Variants in DTHD1 observed in about 807,000 individuals in gnomAD.
The protein encoded by DTHD1 is death domain-containing protein 1.
DTHD1 carries 59 observed loss-of-function variants against 74.8 expected under a neutral mutation model. That is an observed-to-expected ratio of 0.79 (90% CI 0.64 to 0.98). The LOEUF is 0.98. DTHD1 is among the 50% of genes least tolerant of loss of function. DTHD1 has a pLI of 0.00. For missense variants in DTHD1, 1,051 were observed against 1,065.4 expected, an observed-to-expected ratio of 0.99 and a Z score of 0.19; for synonymous variants, 365 against 371.1, an observed-to-expected ratio of 0.98 and a Z score of 0.19.
In DTHD1 at chr4:36,346,076, C is replaced by T. The variant is rs187487324; in HGVS notation, c.*2252C>T. ...CCAGCTCCCAACTCTCTCACAGAAA[C>T]ACACCTATTCACATACATAAATACA... On this transcript the variant is annotated 3_prime_UTR_variant, in exon 10 of 10. Transcript: ENST00000639862. Among the ~76,000 whole-genome samples, 17 of 152,142 alleles carry T rather than the reference C, an allele frequency of 1.1e-4. No homozygotes were observed. The highest frequency in any genetic ancestry group is 3.4e-3 in the Middle Eastern group (1 of 294).
chr4:36,301,400 A>G (rs1270516919), intron 5 of DTHD1, among the ~76,000 whole-genome samples: 1 of 152,178 alleles, frequency 6.6e-6, no homozygotes, highest in Non-Finnish European at 1.5e-5. Flanking sequence ...AGTAGCTCAT[A>G]TCTTAGGATA....
At chr4:36,322,976 G>C (rs1034848833) in intron 8 of DTHD1, among the ~76,000 whole-genome samples, 18 of 152,146 alleles carry the variant, frequency 1.2e-4, no homozygotes, top group African/African-American at 4.3e-4. Context: ...TATGCCATTT[G>C]CTTATTTGTG....
At chr4:36,342,374 G>C (rs1295718161) in intron 9 of DTHD1, among the ~76,000 whole-genome samples, 1 of 152,152 alleles carries the variant, frequency 6.6e-6, no homozygotes, top group Non-Finnish European at 1.5e-5. Context: ...GAAGGCAGAT[G>C]GAATGCTTGC....
intron 2 of DTHD1, among the ~76,000 whole-genome samples, chr4:36,286,569 G>T (rs1755725007): frequency 6.6e-6 from 1 of 152,178 alleles, no homozygotes; most frequent in Non-Finnish European, 1.5e-5. Context: ...GGAAAATAAG[G>T]CTAGAGTAAA....
At chr4:36,339,074 A>G in intron 8 of DTHD1, 38 bp from the exon 9 acceptor site, 1 of 1,491,096 alleles carries the variant, frequency 6.7e-7, no homozygotes, top group Non-Finnish European at 9.1e-7. Flanking sequence ...CAAATTAATT[A>G]CTTCTTCTGT....
chr4:36,310,510 C>T (rs1274185965), intron 7 of DTHD1, among the ~76,000 whole-genome samples: 1 of 152,100 alleles, frequency 6.6e-6, no homozygotes, highest in Non-Finnish European at 1.5e-5. Flanking sequence ...AAATTCCGGA[C>T]AGGTTTTATG....
At chr4:36,333,023 A>T (rs1758788087) in intron 8 of DTHD1, among the ~76,000 whole-genome samples, 1 of 152,206 alleles carries the variant, frequency 6.6e-6, no homozygotes, top group Non-Finnish European at 1.5e-5. Context: ...ATAACTGTGT[A>T]TATGAGATAT....
intron 7 of DTHD1, chr4:36,315,604 A>C (rs1232316727): frequency 6.6e-6 from 1 of 152,262 alleles, no homozygotes; most frequent in Non-Finnish European, 1.5e-5. Context: ...CACAATATGA[A>C]TAGTTAGGGG....
chr4:36,303,342 G>A (rs1756879124), intron 5 of DTHD1, among the ~76,000 whole-genome samples: 1 of 152,170 alleles, frequency 6.6e-6, no homozygotes, highest in Non-Finnish European at 1.5e-5. Context: ...TAAAGTTTAA[G>A]TTTAATCTTT....
intron 9 of DTHD1, among the ~76,000 whole-genome samples, chr4:36,339,975 T>C (rs1488686481): frequency 1.3e-5 from 2 of 152,240 alleles, no homozygotes; most frequent in Non-Finnish European, 2.9e-5. Context: ...GCAAGTTTAA[T>C]AATGCTGTTA....
chr4:36,310,974 C>T (rs1017351330), intron 7 of DTHD1, among the ~76,000 whole-genome samples: 3 of 152,152 alleles, frequency 2.0e-5, no homozygotes, highest in Non-Finnish European at 2.9e-5. Context: ...AGACATAGTA[C>T]TAAGCAGAAG....
chr4:36,283,873 G>T (rs1227160456), intron 1 of DTHD1, 103 bp from the exon 2 acceptor site: 1 of 834,992 alleles, frequency 1.2e-6, no homozygotes, highest in African/African-American at 1.7e-5. Context: ...GTCTTTGTAG[G>T]TTTCTAAAAT....
chr4:36,291,477 G>A (rs1756074391), intron 3 of DTHD1, among the ~76,000 whole-genome samples: 1 of 152,176 alleles, frequency 6.6e-6, no homozygotes, highest in African/African-American at 2.4e-5. Flanking sequence ...TAATAACTCT[G>A]AGGCTCTGTA....
At position 36,284,183 on chromosome 4, in the gene DTHD1, C is replaced by A; in HGVS notation, c.479C>A (p.Thr160Asn). 1 of 1,537,218 alleles carries A rather than the reference C, an allele frequency of 6.5e-7. No homozygotes were observed. The highest frequency in any genetic ancestry group is 8.7e-7 in the Non-Finnish European group (1 of 1,146,882). ...GAACTAAATGTCATAGAAACAGCTA[C>A]TGTTTCTCCCACAAATGGAGAGGAA... ...RGELNVIETA[T>N]VSPTNGEESH... The change falls in exon 2 of 10, where the codon ACT becomes AAT. Residue 160 changes from threonine (T) to asparagine (N), a missense_variant. Thr to Asn is a moderately conservative substitution (Grantham distance 65). Transcript: ENST00000639862.
In DTHD1 at chr4:36,290,626, G is replaced by C; in HGVS notation, c.1141G>C (p.Val381Leu). 6.5e-7 allele frequency: 1 copy of C among 1,549,232 alleles called. No individual in the cohort carries two copies. Among genetic ancestry groups the C allele is most frequent in the Non-Finnish European group, 8.7e-7 (1 of 1,146,946 alleles). Residue 381 changes from valine to leucine, a missense_variant, in exon 3 of 10, where the codon GTG becomes CTG. Physicochemically the swap from Val to Leu is conservative, Grantham distance 32. Coordinates refer to ENST00000639862, the MANE Select transcript of DTHD1 (RefSeq NM_001170700.3). ...CAGAGGAAATTACAGAGATATCATG[G>C]TGAAAGTGTGTGACATAAACCTTCA... is the stretch of plus-strand genomic sequence containing the variant. ...RYRGNYRDIM[V>L]KVCDINLQSS... is the part of the protein sequence containing the mutation.
At chr4:36,323,824 G>T (rs1167784455) in intron 8 of DTHD1, among the ~76,000 whole-genome samples, 3 of 152,092 alleles carry the variant, frequency 2.0e-5, no homozygotes, top group African/African-American at 7.2e-5. Context: ...TTGGTAAGTA[G>T]AAATATTATG....
chr4:36,291,219 G>C (rs943517807), intron 3 of DTHD1, among the ~76,000 whole-genome samples: 1 of 152,222 alleles, frequency 6.6e-6, no homozygotes, highest in African/African-American at 2.4e-5. Flanking sequence ...TAGTTAAGAT[G>C]TGGGCTGTGG....
rs543880071 is a variant in DTHD1, at chr4:36,297,532, G to T, written c.1643+2493G>T. On this transcript the variant is annotated intron_variant, in intron 5 of 9. Transcript: ENST00000639862. ...CAAGCCGAAGCAATTAATTTTTTTT[G>T]TGTGTGCTTCTTGACTATTTTCTTG... 5.1e-3 allele frequency among the ~76,000 whole-genome samples: 779 copies of T among 151,880 alleles called. 5 individuals are homozygous for T. The highest frequency in any genetic ancestry group is 8.8e-3 in the Non-Finnish European group (601 of 67,924).
At chr4:36,294,773 A>C in intron 4 of DTHD1, 22 bp from the exon 5 acceptor site, 1 of 1,494,926 alleles carries the variant, frequency 6.7e-7, no homozygotes, top group Non-Finnish European at 8.9e-7. Context: ...AAAACATAAG[A>C]AAAAATATAT....
Sources: gnomAD v4.1 joint callset for allele counts (sites outside exome capture counted in the v4.1 genomes callset) on GRCh38, gnomAD v4.1.1 for gene constraint, MANE v1.5 for transcripts, NCBI Gene and HGNC (gene_info 2026-07-23, HGNC 2026-07-21) for gene names.